Variants in TRAF3IP1 observed in about 807,000 individuals in gnomAD.
TRAF3IP1 encodes the protein TRAF3-interacting protein 1.
In TRAF3IP1, 53 loss-of-function variants were observed where a neutral mutation model predicts 89.9. The ratio of observed to expected loss-of-function variants is 0.59; its 90% CI spans 0.47 to 0.74. The LOEUF (loss-of-function observed/expected upper bound fraction) is 0.74. Among genes scored for constraint, TRAF3IP1 ranks in the 30% least tolerant of loss-of-function variants. The pLI is 0.00. For synonymous variants in TRAF3IP1, 311 were observed against 322.1 expected (o/e 0.97, Z 0.37); for missense variants, 806 against 866.1 (o/e 0.93, Z 0.87).
chr2:238,391,199 T>C (rs1027186141), intron 15 of TRAF3IP1, among the ~76,000 whole-genome samples: 2 of 152,170 alleles, frequency 1.3e-5, no homozygotes, highest in African/African-American at 4.8e-5. Context: ...TCAAGTGATC[T>C]GCCCACCTCA....
intron 6 of TRAF3IP1, among the ~76,000 whole-genome samples, chr2:238,333,330 A>T (rs1461512738): frequency 2.6e-5 from 4 of 152,158 alleles, no homozygotes; most frequent in Non-Finnish European, 4.4e-5. Context: ...GGTATGGTAG[A>T]AGCTCATCAT....
chr2:238,350,540 T>G, intron 12 of TRAF3IP1, among the ~76,000 whole-genome samples: 1 of 151,174 alleles, frequency 6.6e-6, no homozygotes, highest in Admixed American at 6.6e-5. Flanking sequence ...GGAGCAGAGG[T>G]TTTCCTCTAG....
chr2:238,329,177 G>C lies in TRAF3IP1; in HGVS notation c.750G>C (p.Glu250Asp). 6.4e-7 allele frequency: 1 copy of C among 1,563,306 alleles called. No individual in the cohort carries two copies. ...ACTCCGAGCGCAAGAAGGAGACAGA[G>C]AGAAAGAGTGAGGGGGGGAAAGAGA... The part of the protein sequence containing the change: ...DRDSERKKET[E>D]RKSEGGKEKE... Residue 250 changes from glutamate to aspartate, a missense_variant, in exon 5 of 17, where the codon GAG becomes GAC. By Grantham distance (45) the Glu-to-Asp change is conservative (BLOSUM62 2). Around this residue, in one of 3 missense-constraint regions of TRAF3IP1, gnomAD observed 732 missense variants for 780.5 expected, o/e 0.94. Transcript: ENST00000373327.
chr2:238,398,833 A>G lies in TRAF3IP1; in HGVS notation c.1990A>G (p.Ile664Val), dbSNP rs1428274674. ...GCTGATCAAAGACCAGCAAGACAAG[A>G]TCTGTGCTGTGAAGGCCAACATCCT... is the stretch of plus-strand genomic sequence containing the variant. Reference protein sequence around the residue: ...EQLIKDQQDKICAVKANILKN... With the variant: ...EQLIKDQQDKVCAVKANILKN... The change falls in exon 17 of 17, where the codon ATC (isoleucine) becomes GTC (valine). Residue 664 changes from isoleucine (I) to valine (V), a missense_variant. Around this residue, in one of 3 missense-constraint regions of TRAF3IP1, gnomAD observed 70 missense variants for 67.8 expected, o/e 1.03. Transcript: ENST00000373327. The G allele has an allele frequency of 1.9e-6, 3 of 1,613,530 alleles. No individual in the cohort carries two copies. The highest frequency in any genetic ancestry group is 1.7e-5 in the Admixed American group (1 of 59,896).
At chr2:238,360,623 C>G (rs1015492103) in intron 15 of TRAF3IP1, among the ~76,000 whole-genome samples, 10 of 152,186 alleles carry the variant, frequency 6.6e-5, no homozygotes, top group African/African-American at 2.4e-4. Flanking sequence ...GTGGCTCACA[C>G]CTGTAATCCC....
chr2:238,325,274 G>A (rs760105828), intron 1 of TRAF3IP1, 32 bp from the exon 2 acceptor site: 12 of 1,611,294 alleles, frequency 7.4e-6, no homozygotes, highest in African/African-American at 1.3e-5. Context: ...TGTCTGTGAG[G>A]TGACATGGTG....
Position 238,385,854 on chromosome 2 carries a change from C to G in TRAF3IP1, c.1690-11605C>G, listed in dbSNP as rs546543339. 2.8e-4 allele frequency among the ~76,000 whole-genome samples: 42 copies of G among 152,134 alleles called. No individual in the cohort carries two copies. In the South Asian group the frequency reaches 8.5e-3, roughly 31 times the overall value. ...TCTTGCACCGCTGTTTTTTAAGTGC[C>G]TTTAGCTCAAAATAATGCTCCTGCC... On this transcript the variant is annotated intron_variant, in intron 15 of 16. Transcript: ENST00000373327.
intron 15 of TRAF3IP1, among the ~76,000 whole-genome samples, chr2:238,390,131 G>A (rs1408561672): frequency 3.9e-5 from 6 of 152,316 alleles, no homozygotes; most frequent in Middle Eastern, 3.4e-3. Context: ...TAGGAGGCAG[G>A]AGGGGACAAG....
At chr2:238,382,570 A>G (rs182119866) in intron 15 of TRAF3IP1, among the ~76,000 whole-genome samples, 2 of 151,850 alleles carry the variant, frequency 1.3e-5, no homozygotes, top group Admixed American at 6.6e-5. Context: ...GATGAGGGAC[A>G]TGTGGATGTC....
At chr2:238,334,326 T>G (rs12477345) in intron 7 of TRAF3IP1, among the ~76,000 whole-genome samples, 2 of 152,268 alleles carry the variant, frequency 1.3e-5, no homozygotes, top group South Asian at 4.1e-4. Context: ...GAAATACTTA[T>G]CAGCCATCTT....
At chr2:238,393,941 G>A (rs1307148237) in intron 15 of TRAF3IP1, among the ~76,000 whole-genome samples, 2 of 152,310 alleles carry the variant, frequency 1.3e-5, no homozygotes, top group Non-Finnish European at 2.9e-5. Context: ...GCTCACACCT[G>A]TAATCCCAGC....
rs926394962 is a variant in TRAF3IP1, at chr2:238,398,815, A to G, written c.1972A>G (p.Lys658Glu). Residue 658 changes from lysine (K) to glutamate (E), a missense_variant, in exon 17 of 17, where the codon AAA becomes GAA. Physicochemically the swap from Lys to Glu is moderately conservative, Grantham distance 56. Around this residue, in one of 3 missense-constraint regions of TRAF3IP1, gnomAD observed 70 missense variants for 67.8 expected, o/e 1.03. Coordinates refer to ENST00000373327, the MANE Select transcript of TRAF3IP1 (RefSeq NM_015650.4). ...GCTCGCGGAGCTGGAGCAGCTGATC[A>G]AAGACCAGCAAGACAAGATCTGTGC... ...AELAELEQLI[K>E]DQQDKICAVK... 1.4e-5 allele frequency: 22 copies of G among 1,613,256 alleles called. No homozygotes were observed. Among genetic ancestry groups the G allele is most frequent in the Non-Finnish European group, 1.9e-5 (22 of 1,179,728 alleles).
At chr2:238,380,783 C>T (rs935950675) in intron 15 of TRAF3IP1, among the ~76,000 whole-genome samples, 3 of 152,160 alleles carry the variant, frequency 2.0e-5, no homozygotes, top group Non-Finnish European at 4.4e-5. Context: ...AACAGAAACA[C>T]TGTTGTAAAG....
intron 15 of TRAF3IP1, among the ~76,000 whole-genome samples, chr2:238,380,144 C>T (rs1700484575): frequency 6.6e-6 from 1 of 152,146 alleles, no homozygotes; most frequent in African/African-American, 2.4e-5. Context: ...TTCTGAAATG[C>T]TGGTGCCCAG....
At position 238,353,075 on chromosome 2, in the gene TRAF3IP1, C is replaced by T. The variant is rs113538325; in HGVS notation, c.1576-98C>T. The T allele has an allele frequency of 4.9e-5, 76 of 1,557,482 alleles. No individual in the cohort carries two copies. The African/African-American group carries it at 5.2e-4, about 11-fold the overall frequency. The stretch of plus-strand genomic sequence containing the variant: ...AATTTTTCAGTTAGTTTTCTACCTT[C>T]GTTAATTTTGTTGTTCTTTTTTTGA... On this transcript the variant is annotated intron_variant, in intron 13 of 16. Coordinates refer to ENST00000373327, the MANE Select transcript of TRAF3IP1 (RefSeq NM_015650.4).
At chr2:238,344,350 AGCT>A in intron 8 of TRAF3IP1, 144 bp from the exon 9 acceptor site, 2 of 654,578 alleles carry the variant, frequency 3.1e-6, no homozygotes, top group East Asian at 2.8e-5. Context: ...GTTTTCTAAA[AGCT>A]GCCTTTGGTC....
At position 238,328,575 on chromosome 2, in the gene TRAF3IP1, G is replaced by A. The variant is rs776501999; in HGVS notation, c.355-111G>A. 515 of 1,260,834 alleles carry A rather than the reference G, an allele frequency of 4.1e-4. 1 individual carries two copies. Among genetic ancestry groups the A allele is most frequent in the Non-Finnish European group, 5.2e-4 (472 of 909,370 alleles). The allele number at this position is 1,260,834 out of a possible 1,614,324, so 78.1% of individuals were successfully genotyped here. ...AATATTTTATCCTTTGAATTTCATTGTAGACAGAGAATCTGTCTCATGAGC... is the reference window on the plus strand; with the variant it reads ...AATATTTTATCCTTTGAATTTCATTATAGACAGAGAATCTGTCTCATGAGC... On this transcript the variant is annotated intron_variant, in intron 3 of 16. Transcript: ENST00000373327.
intron 15 of TRAF3IP1, among the ~76,000 whole-genome samples, chr2:238,384,382 A>ATGTATGTG (rs1243454374): frequency 3.4e-5 from 5 of 148,436 alleles, no homozygotes; most frequent in African/African-American, 1.3e-4. Context: ...GTATGTATGT[A>ATGTATGTG]TATATATATA....
In TRAF3IP1 at chr2:238,379,641, T is replaced by G. The variant is rs552888311; in HGVS notation, c.1690-17818T>G. Among the ~76,000 whole-genome samples the G allele has an allele frequency of 2.0e-5, 3 of 152,302 alleles. No individual in the cohort carries two copies. The South Asian group carries it at 6.2e-4, about 32-fold the overall frequency. On this transcript the variant is annotated intron_variant, in intron 15 of 16. Transcript: ENST00000373327. The surrounding 1 kb of genome is among the most constrained non-coding windows in gnomAD (Gnocchi z 4.0). Reference sequence around the variant, plus strand: ...CCTCATGGCCACTTCCTGCTGCAGGTTTAGACGGTGGTTTCCTCCCCCGCT... The same window carrying G: ...CCTCATGGCCACTTCCTGCTGCAGGGTTAGACGGTGGTTTCCTCCCCCGCT...
Sources: gnomAD v4.1 joint callset for allele counts (sites outside exome capture counted in the v4.1 genomes callset) on GRCh38, gnomAD v4.1.1 for gene constraint, gnomAD v4.1.1 regional missense constraint, Gnocchi (gnomAD v3.1) non-coding constraint, MANE v1.5 for transcripts, NCBI Gene and HGNC (gene_info 2026-07-23, HGNC 2026-07-21) for gene names.